MYCT1: variants seen among roughly 807,000 people sequenced by gnomAD.
MYCT1 encodes the protein myc target protein 1.
Under a neutral mutation model 15.0 loss-of-function variants are expected in MYCT1, and 12 were observed. The observed-to-expected ratio is 0.80, with a 90% confidence interval of 0.51 to 1.29. The LOEUF (loss-of-function observed/expected upper bound fraction) is 1.29, where lower values mean the gene tolerates loss of function less well. MYCT1 is among the 50% of genes most tolerant of loss of function. MYCT1 has a pLI of 0.00. For synonymous variants in MYCT1, 104 were observed against 102.7 expected (o/e 1.01, Z -0.07); for missense variants, 287 against 279.1 (o/e 1.03, Z -0.20).
intron 1 of MYCT1, among the ~76,000 whole-genome samples, chr6:152,700,431 T>C (rs1169236378): frequency 6.6e-6 from 1 of 152,118 alleles, no homozygotes; most frequent in Non-Finnish European, 1.5e-5. Context: ...CCAATATAAC[T>C]TTTCTGGTTT....
chr6:152,727,620 A>G (rs1583981249), downstream of MYCT1, among the ~76,000 whole-genome samples: 1 of 152,238 alleles, frequency 6.6e-6, no homozygotes, highest in African/African-American at 2.4e-5. Context: ...CAAGTGCACT[A>G]GCATATGTGG....
At chr6:152,743,041 G>A in the MYCT1 span, among the ~76,000 whole-genome samples, 130 of 152,064 alleles carry the variant, frequency 8.5e-4, no homozygotes, top group Non-Finnish European at 9.3e-4. Context: ...ATGGCATTTC[G>A]ATTATTTTGT....
chr6:152,700,073 G>A (rs953258896), intron 1 of MYCT1, among the ~76,000 whole-genome samples: 5 of 152,044 alleles, frequency 3.3e-5, no homozygotes, highest in African/African-American at 1.2e-4. Flanking sequence ...ATAAAAGATT[G>A]TATTATTGCC....
At chr6:152,734,197 G>A in the MYCT1 span, among the ~76,000 whole-genome samples, 1 of 152,034 alleles carries the variant, frequency 6.6e-6, no homozygotes, top group Non-Finnish European at 1.5e-5. Flanking sequence ...TAAGTATCTT[G>A]TGAGACCAGA....
At chr6:152,733,716 G>A in the MYCT1 span, among the ~76,000 whole-genome samples, 1 of 152,158 alleles carries the variant, frequency 6.6e-6, no homozygotes, top group Non-Finnish European at 1.5e-5. Context: ...TAAGCCTGAT[G>A]ATTTTCATGG....
At chr6:152,728,604 T>G (rs2099726056), downstream of MYCT1, among the ~76,000 whole-genome samples, 1 of 152,110 alleles carries the variant, frequency 6.6e-6, no homozygotes. Context: ...CTATTAAGAA[T>G]TCACAAAGAG....
chr6:152,716,348 A>G (rs2099723687), intron 1 of MYCT1, among the ~76,000 whole-genome samples: 3 of 152,034 alleles, frequency 2.0e-5, no homozygotes, highest in Admixed American at 2.0e-4. Context: ...TCTCCTATAC[A>G]CTCTATGATA....
At chr6:152,713,858 T>C (rs2099723154) in intron 1 of MYCT1, among the ~76,000 whole-genome samples, 1 of 152,146 alleles carries the variant, frequency 6.6e-6, no homozygotes, top group Non-Finnish European at 1.5e-5. Flanking sequence ...TAGCTTTACC[T>C]GTCCCAGACT....
intron 1 of MYCT1, among the ~76,000 whole-genome samples, chr6:152,706,311 C>G (rs762847820): frequency 6.6e-6 from 1 of 152,162 alleles, no homozygotes; most frequent in Admixed American, 6.6e-5. Flanking sequence ...TGGTTTACTG[C>G]TGTCATTGTT....
At chr6:152,714,359 T>G (rs1279490630) in intron 1 of MYCT1, among the ~76,000 whole-genome samples, 1 of 150,814 alleles carries the variant, frequency 6.6e-6, no homozygotes, top group East Asian at 1.9e-4. Context: ...TCTTATTTAC[T>G]GTATGCTACT....
At chr6:152,731,446 G>T in the MYCT1 span, among the ~76,000 whole-genome samples, 1 of 151,996 alleles carries the variant, frequency 6.6e-6, no homozygotes, top group African/African-American at 2.4e-5. Context: ...ATGTATACAT[G>T]TGCCATGTTG....
chr6:152,714,860 A>G (rs1347545814), intron 1 of MYCT1, among the ~76,000 whole-genome samples: 3 of 151,892 alleles, frequency 2.0e-5, no homozygotes, highest in African/African-American at 7.2e-5. Context: ...TTTCATATAT[A>G]TGTATAAAAC....
the MYCT1 span, among the ~76,000 whole-genome samples, chr6:152,742,627 G>A: frequency 6.6e-6 from 1 of 152,136 alleles, no homozygotes; most frequent in Non-Finnish European, 1.5e-5. Context: ...GTAACTAGTG[G>A]AACCCTATTT....
rs1207712250 is a variant in MYCT1 at position 152,724,445 on chromosome 6, T to G, written c.*2192T>G. 2 of 152,186 alleles carry G rather than the reference T, an allele frequency of 1.3e-5. No individual in the cohort carries two copies. Among genetic ancestry groups the G allele is most frequent in the Non-Finnish European group, 2.9e-5 (2 of 68,018 alleles). 9.4% of individuals were successfully genotyped at this position (152,186 alleles called of 1,614,324 possible). ...TATCCCAGTTATAAGACAGTCAAAA[T>G]GACTATTTCCTAAATATTGTGAGTG... On this transcript the variant is annotated 3_prime_UTR_variant, in exon 2 of 2. Transcript: ENST00000367245.
intron 1 of MYCT1, among the ~76,000 whole-genome samples, chr6:152,714,206 CTCCTCTTTCCA>C (rs1170487504): frequency 1.3e-5 from 2 of 151,450 alleles, no homozygotes; most frequent in African/African-American, 4.8e-5. Context: ...TTCTCTTTCT[CTCCTCTTTCCA>C]TCCTTGTCGT....
At chr6:152,731,095 G>A in the MYCT1 span, among the ~76,000 whole-genome samples, 3 of 152,054 alleles carry the variant, frequency 2.0e-5, no homozygotes, top group South Asian at 6.2e-4. Context: ...ACATACACAA[G>A]ACAGAAGACA....
At chr6:152,733,912 T>A in the MYCT1 span, among the ~76,000 whole-genome samples, 81,388 of 151,720 alleles carry the variant, frequency 0.54, 24,293 homozygotes, top group Non-Finnish European at 0.66. Context: ...CCACTGTTTT[T>A]ATGGCAGAAA....
rs1353758275 is a variant in MYCT1, at chr6:152,723,848, G to A, written c.*1595G>A. The A allele has an allele frequency of 6.6e-6, 1 of 152,120 alleles. No individual in the cohort carries two copies. Among genetic ancestry groups the A allele is most frequent in the African/African-American group, 2.4e-5 (1 of 41,412 alleles). The allele number at this position is 152,120 out of a possible 1,614,324, so 9.4% of individuals were successfully genotyped here. ...GTATTGTGAATATTTAGTTTATGTG[G>A]CCGTTTCTTTGTTTCTTTGAACAGT... On this transcript the variant is annotated 3_prime_UTR_variant, in exon 2 of 2. Coordinates refer to ENST00000367245, the MANE Select transcript of MYCT1 (RefSeq NM_025107.3).
At chr6:152,744,864 A>G in the MYCT1 span, among the ~76,000 whole-genome samples, 2 of 152,172 alleles carry the variant, frequency 1.3e-5, no homozygotes, top group East Asian at 3.9e-4. Flanking sequence ...CTGTGGCGTC[A>G]GATCTCTCCC....
Sources: gnomAD v4.1 joint callset for allele counts (sites outside exome capture counted in the v4.1 genomes callset) on GRCh38, gnomAD v4.1.1 for gene constraint, MANE v1.5 for transcripts, NCBI Gene and HGNC (gene_info 2026-07-23, HGNC 2026-07-21) for gene names.